The following RANBP17 variants were observed in gnomAD, a reference collection of about 807,000 sequenced individuals.
RANBP17 encodes the protein RAN binding protein 17.
A neutral mutation model predicts 141.2 loss-of-function variants in RANBP17; 158 were observed. That is an observed-to-expected ratio of 1.12 (90% confidence interval 0.98 to 1.28). The LOEUF (loss-of-function observed/expected upper bound fraction) is 1.28, where lower values mean the gene tolerates loss of function less well. Among genes scored for constraint, RANBP17 ranks in the 50% most tolerant of loss-of-function variants. The pLI is 0.00. For missense variants in RANBP17, 1,438 were observed against 1,290.7 expected, an observed-to-expected ratio of 1.11 and a Z score of -1.75; for synonymous variants, 430 against 450.0, an observed-to-expected ratio of 0.96 and a Z score of 0.56.
chr5:171,046,040 C>T, intron 14 of RANBP17, among the ~76,000 whole-genome samples: 1 of 152,120 alleles, frequency 6.6e-6, no homozygotes. Context: ...TTTTACAATA[C>T]AGTTTGTTTT....
intron 14 of RANBP17, among the ~76,000 whole-genome samples, chr5:171,135,092 A>T (rs1757178345): frequency 6.6e-6 from 1 of 151,772 alleles, no homozygotes; most frequent in Non-Finnish European, 1.5e-5. Context: ...AACATGGTGA[A>T]ATCTGTCTCT....
At chr5:171,008,369 T>A (rs941245585) in intron 14 of RANBP17, among the ~76,000 whole-genome samples, 1 of 152,186 alleles carries the variant, frequency 6.6e-6, no homozygotes, top group African/African-American at 2.4e-5. Context: ...GACAGGGGAC[T>A]GGTCTCCCAA....
intron 14 of RANBP17, among the ~76,000 whole-genome samples, chr5:171,047,438 T>C (rs1456281020): frequency 1.1e-5 from 1 of 91,326 alleles, no homozygotes; most frequent in Non-Finnish European, 2.7e-5. Context: ...TTTTTTTTTG[T>C]TTTGTTTTTT....
At chr5:171,116,105 T>C (rs940285004) in intron 14 of RANBP17, among the ~76,000 whole-genome samples, 3 of 152,180 alleles carry the variant, frequency 2.0e-5, no homozygotes, top group African/African-American at 7.2e-5. Context: ...GACAGGTAAA[T>C]TTAAGATTTC....
At chr5:171,192,512 CTG>C (rs1761717017) in intron 18 of RANBP17, among the ~76,000 whole-genome samples, 1 of 152,120 alleles carries the variant, frequency 6.6e-6, no homozygotes, top group South Asian at 2.1e-4. Flanking sequence ...AATAAACACT[CTG>C]GTTCCCTAGG....
At chr5:170,910,003 A>G (rs896795794) in intron 6 of RANBP17, 11 of 307,220 alleles carry the variant, frequency 3.6e-5, no homozygotes, top group Non-Finnish European at 5.3e-5. Flanking sequence ...TTCAGGTAGT[A>G]GTTTCATTGC....
chr5:171,269,315 G>A (rs1766946660), intron 25 of RANBP17, among the ~76,000 whole-genome samples: 1 of 152,154 alleles, frequency 6.6e-6, no homozygotes, highest in South Asian at 2.1e-4. Context: ...CAGTAAAATT[G>A]ATAATTATTC....
intron 5 of RANBP17, chr5:170,897,359 CTTT>C (rs931125019): frequency 2.9e-4 from 115 of 395,964 alleles, no homozygotes; most frequent in Non-Finnish European, 3.3e-4. Flanking sequence ...TCTTCTTCTT[CTTT>C]TTTTTTTTTA....
intron 25 of RANBP17, among the ~76,000 whole-genome samples, chr5:171,278,628 GA>G: frequency 6.6e-6 from 1 of 152,278 alleles, no homozygotes; most frequent in East Asian, 1.9e-4. Context: ...CTAGAGGAGA[GA>G]AAAAAGAAGC....
rs768198489 is a variant in RANBP17 at position 171,161,133 on chromosome 5, T to C, written c.1711-8997T>C. Reference sequence around the variant, plus strand: ...ATTCTGTCAAATATTATTTATGATTTATTCTTTTTTAGGGCTAGCTTTTAG... The same window carrying C: ...ATTCTGTCAAATATTATTTATGATTCATTCTTTTTTAGGGCTAGCTTTTAG... On this transcript the variant is annotated intron_variant, in intron 14 of 27. Coordinates refer to ENST00000523189, the MANE Select transcript of RANBP17 (RefSeq NM_022897.5). Among the ~76,000 whole-genome samples, 177 of 152,332 alleles carry C rather than the reference T, an allele frequency of 1.2e-3. 1 individual carries two copies. Among genetic ancestry groups the C allele is most frequent in the Non-Finnish European group, 2.3e-3 (155 of 68,036 alleles).
At chr5:170,884,073 A>G (rs1463761227) in intron 3 of RANBP17, among the ~76,000 whole-genome samples, 2 of 152,214 alleles carry the variant, frequency 1.3e-5, no homozygotes, top group Non-Finnish European at 2.9e-5. Flanking sequence ...CCCACCAGCC[A>G]TGAGTGAGAG....
At chr5:170,880,226 C>G (rs1768543126) in intron 2 of RANBP17, among the ~76,000 whole-genome samples, 1 of 152,178 alleles carries the variant, frequency 6.6e-6, no homozygotes, top group Non-Finnish European at 1.5e-5. Context: ...CTAGAATAAA[C>G]AGATAGTAAG....
At chr5:171,155,094 A>ATATATATAT (rs1554106865) in intron 14 of RANBP17, among the ~76,000 whole-genome samples, 17 of 74,958 alleles carry the variant, frequency 2.3e-4, no homozygotes, top group African/African-American at 4.7e-4. Flanking sequence ...AAAAAAAAAA[A>ATATATATAT]ATATATATAT....
chr5:171,068,198 T>C (rs1007608543), intron 14 of RANBP17, among the ~76,000 whole-genome samples: 1 of 152,174 alleles, frequency 6.6e-6, no homozygotes, highest in Non-Finnish European at 1.5e-5. Context: ...TCAGCTCTTA[T>C]AATTTTATTT....
chr5:171,124,752 CA>C (rs753634518), intron 14 of RANBP17, among the ~76,000 whole-genome samples: 4 of 150,670 alleles, frequency 2.7e-5, no homozygotes, highest in Admixed American at 6.6e-5. Flanking sequence ...ATCATCACAA[CA>C]AAAAAAAACC....
chr5:170,958,058 C>G (rs1431895867), intron 13 of RANBP17, among the ~76,000 whole-genome samples: 1 of 142,706 alleles, frequency 7.0e-6, no homozygotes, highest in African/African-American at 2.5e-5. Context: ...TGAGAAAATA[C>G]AACTGGTTGC....
chr5:171,203,279 T>TA (rs1486646381), intron 19 of RANBP17, among the ~76,000 whole-genome samples: 6 of 152,332 alleles, frequency 3.9e-5, no homozygotes, highest in African/African-American at 1.4e-4. Context: ...GATCACCTCT[T>TA]ACGCTCAAAT....
chr5:171,278,873 CAAAG>C (rs1170766738), intron 25 of RANBP17, among the ~76,000 whole-genome samples: 1 of 152,150 alleles, frequency 6.6e-6, no homozygotes, highest in African/African-American at 2.4e-5. Flanking sequence ...TTACCTAACA[CAAAG>C]AAAGTATTCG....
intron 14 of RANBP17, among the ~76,000 whole-genome samples, chr5:171,054,732 GC>G (rs1270600655): frequency 1.3e-5 from 2 of 152,014 alleles, no homozygotes; most frequent in Admixed American, 6.6e-5. Context: ...ATTTTACCCA[GC>G]CCCTATTCAA....
Sources: allele counts gnomAD v4.1 joint callset (sites outside exome capture counted in the v4.1 genomes callset), GRCh38; gene constraint gnomAD v4.1.1; transcripts MANE v1.5; gene names NCBI Gene and HGNC (gene_info 2026-07-23, HGNC 2026-07-21).